The following GAB1 variants were observed in gnomAD, a reference collection of about 807,000 sequenced individuals.
The protein encoded by GAB1 is GRB2-associated-binding protein 1.
Under a neutral mutation model 66.5 loss-of-function variants are expected in GAB1, and 19 were observed. The observed-to-expected ratio is 0.29, with a 90% CI of 0.20 to 0.42. The LOEUF (loss-of-function observed/expected upper bound fraction) is 0.42. Among genes scored for constraint, GAB1 ranks in the 10% least tolerant of loss-of-function variants. GAB1 has a pLI of 1.00. For synonymous variants in GAB1, 294 were observed against 301.4 expected, an observed-to-expected ratio of 0.98 and a Z score of 0.25; for missense variants, 732 against 858.5, an observed-to-expected ratio of 0.85 and a Z score of 1.84.
chr4:143,453,133 G>C (rs555088958), intron 6 of GAB1, among the ~76,000 whole-genome samples: 1 of 152,196 alleles, frequency 6.6e-6, no homozygotes, highest in Non-Finnish European at 1.5e-5. Context: ...ATGTCAAATT[G>C]AGTTTGGAAG....
chr4:143,406,673 A>T (rs188025387), intron 1 of GAB1, among the ~76,000 whole-genome samples: 1 of 152,324 alleles, frequency 6.6e-6, no homozygotes, highest in Non-Finnish European at 1.5e-5. Flanking sequence ...GATCCAGTGG[A>T]CCCAAGGCCA....
At chr4:143,426,077 T>C (rs1183851020) in intron 2 of GAB1, 2 of 553,326 alleles carry the variant, frequency 3.6e-6, no homozygotes, top group Non-Finnish European at 6.4e-6. Flanking sequence ...GACTTGACAT[T>C]ACATGGAGTA....
chr4:143,412,656 C>T (rs974357846), intron 1 of GAB1, among the ~76,000 whole-genome samples: 8 of 152,128 alleles, frequency 5.3e-5, no homozygotes, highest in Non-Finnish European at 1.0e-4. Context: ...TATTAGTTTA[C>T]ACTGGAGTTG....
intron 1 of GAB1, among the ~76,000 whole-genome samples, chr4:143,389,352 G>GA (rs1185337277): frequency 2.0e-5 from 3 of 152,214 alleles, no homozygotes; most frequent in Non-Finnish European, 2.9e-5. Context: ...GCAATGTTGG[G>GA]AAGCAGATGG....
intron 1 of GAB1, among the ~76,000 whole-genome samples, chr4:143,344,268 G>A (rs1728918742): frequency 1.3e-5 from 2 of 152,018 alleles, no homozygotes; most frequent in Admixed American, 1.3e-4. Flanking sequence ...AGCTCGTGTT[G>A]GGGGGGAGAG....
chr4:143,376,334 A>G (rs1429394866), intron 1 of GAB1, among the ~76,000 whole-genome samples: 1 of 152,224 alleles, frequency 6.6e-6, no homozygotes, highest in Non-Finnish European at 1.5e-5. Flanking sequence ...GAAATAGGTC[A>G]GGGAGAAAAA....
In GAB1 at chr4:143,423,691, G is replaced by C. The variant is rs575160464; in HGVS notation, c.367+7920G>C. 1.9e-3 allele frequency among the ~76,000 whole-genome samples: 281 copies of C among 149,762 alleles called. 3 individuals are homozygous for C. Among genetic ancestry groups the C allele is most frequent in the South Asian group, 7.7e-3 (36 of 4,700 alleles). The stretch of plus-strand genomic sequence containing the variant: ...ACTCGGGAGGCTGAGGCAGGAGAAT[G>C]GCGTGAACCCGGGAGGCGGAGCTTG... On this transcript the variant is annotated intron_variant, in intron 2 of 9. Transcript: ENST00000262994.
At chr4:143,375,296 C>A (rs1730366590) in intron 1 of GAB1, among the ~76,000 whole-genome samples, 1 of 152,208 alleles carries the variant, frequency 6.6e-6, no homozygotes, top group Admixed American at 6.5e-5. Context: ...CTGAATTGAT[C>A]TATTTTAAAA....
At chr4:143,337,577 T>G (rs561200020) in intron 1 of GAB1, among the ~76,000 whole-genome samples, 4 of 152,238 alleles carry the variant, frequency 2.6e-5, no homozygotes, top group Non-Finnish European at 4.4e-5. Flanking sequence ...TTAGGAAGGA[T>G]GGGGTGCGAT....
chr4:143,471,632 T>G lies in GAB1; in HGVS notation c.*2443T>G, dbSNP rs569676970. On this transcript the variant is annotated 3_prime_UTR_variant, in exon 10 of 10. Transcript: ENST00000262994. ...GAAACCAGCAGCCAATTTATAGCTA[T>G]GCCCTGTTTTATTTGTATACTATCA... is the stretch of plus-strand genomic sequence containing the variant. The G allele has an allele frequency of 6.6e-6, 1 of 152,346 alleles. No individual in the cohort carries two copies. The highest frequency in any genetic ancestry group is 2.1e-4 in the South Asian group (1 of 4,828). 9.4% of individuals were successfully genotyped at this position (152,346 alleles called of 1,614,324 possible).
At chr4:143,344,596 T>C (rs192817968) in intron 1 of GAB1, among the ~76,000 whole-genome samples, 66 of 152,318 alleles carry the variant, frequency 4.3e-4, no homozygotes, top group Admixed American at 1.1e-3. Flanking sequence ...TGGATTTCCA[T>C]ATTTATTAAA....
intron 9 of GAB1, among the ~76,000 whole-genome samples, chr4:143,467,666 C>T (rs1393229232): frequency 6.6e-6 from 1 of 152,080 alleles, no homozygotes; most frequent in African/African-American, 2.4e-5. Context: ...TTCTGAGGAC[C>T]TAAATTTCTT....
intron 1 of GAB1, among the ~76,000 whole-genome samples, chr4:143,376,394 G>A (rs1024756985): frequency 1.3e-5 from 2 of 152,190 alleles, no homozygotes; most frequent in Non-Finnish European, 2.9e-5. Context: ...CAAGGTGTAT[G>A]TTGAACATTT....
chr4:143,379,788 A>G (rs993928486), intron 1 of GAB1, among the ~76,000 whole-genome samples: 2 of 151,856 alleles, frequency 1.3e-5, no homozygotes, highest in African/African-American at 4.8e-5. Context: ...GGATTTTGCC[A>G]TGTTGCCCAG....
chr4:143,409,286 G>T (rs1383847173), intron 1 of GAB1, among the ~76,000 whole-genome samples: 1 of 152,148 alleles, frequency 6.6e-6, no homozygotes, highest in East Asian at 1.9e-4. Context: ...CATCTGTGGA[G>T]GTGAGAGATT....
intron 1 of GAB1, among the ~76,000 whole-genome samples, chr4:143,373,841 CTCTCTCTCTCTCTCTG>C: frequency 3.9e-5 from 4 of 103,302 alleles, no homozygotes; most frequent in African/African-American, 1.8e-4. Context: ...CTCTCTCTCT[CTCTCTCTCTCTCTCTG>C]TAAATAAATA....
chr4:143,441,187 A>G (rs1392003769), intron 6 of GAB1, among the ~76,000 whole-genome samples: 2 of 152,192 alleles, frequency 1.3e-5, no homozygotes, highest in Non-Finnish European at 2.9e-5. Context: ...AAATTGGGTA[A>G]TGCCTACCCA....
At chr4:143,402,699 AC>A in intron 1 of GAB1, among the ~76,000 whole-genome samples, 1 of 152,162 alleles carries the variant, frequency 6.6e-6, no homozygotes, top group East Asian at 1.9e-4. Flanking sequence ...TCCCTGTTCT[AC>A]CCTTCTTCGT....
At chr4:143,339,279 G>A (rs568685) in intron 1 of GAB1, among the ~76,000 whole-genome samples, 71,347 of 152,154 alleles carry the variant, frequency 0.47, 17,988 homozygotes, top group East Asian at 0.74. Context: ...CACTTTGGGA[G>A]GCCGAGGCCA....
Sources: gnomAD v4.1 joint callset for allele counts (sites outside exome capture counted in the v4.1 genomes callset) on GRCh38, gnomAD v4.1.1 for gene constraint, MANE v1.5 for transcripts, NCBI Gene and HGNC (gene_info 2026-07-23, HGNC 2026-07-21) for gene names.